PIK3C2G: variants seen among roughly 807,000 people sequenced by gnomAD.
The protein encoded by PIK3C2G is phosphatidylinositol 3-kinase C2 domain-containing subunit gamma.
Under a neutral mutation model 181.1 loss-of-function variants are expected in PIK3C2G, and 168 were observed. The ratio of observed to expected loss-of-function variants is 0.93; its 90% CI spans 0.82 to 1.05. PIK3C2G has a LOEUF of 1.05. PIK3C2G is among the 50% of genes least tolerant of loss of function. The probability of loss-of-function intolerance (pLI) is 0.00; values close to 1 mark genes in which losing one functional copy is unlikely to be tolerated. For missense variants in PIK3C2G, 1,869 were observed against 1,732.8 expected (o/e 1.08, Z -1.40); for synonymous variants, 573 against 592.2 (o/e 0.97, Z 0.47).
chr12:18,411,066 A>AT lies in PIK3C2G; in HGVS notation c.2316-9873dup, dbSNP rs373217225. On this transcript the variant is annotated intron_variant, in intron 16 of 32. Transcript: ENST00000538779. ...TGTCTCCTTCGGTCTGAGATTCATT[A>AT]TTATTCCTGTTATATCATGACTGGG... is the stretch of plus-strand genomic sequence containing the variant. Among the ~76,000 whole-genome samples the AT allele has an allele frequency of 7.0e-3, 1,062 of 152,232 alleles. 6 individuals are homozygous for AT. Among genetic ancestry groups the AT allele is most frequent in the African/African-American group, 0.019 (778 of 41,552 alleles).
intron 32 of PIK3C2G, among the ~76,000 whole-genome samples, chr12:18,643,555 C>A (rs186788334): frequency 6.6e-6 from 1 of 151,818 alleles, no homozygotes; most frequent in East Asian, 1.9e-4. Flanking sequence ...TAATTTTTTT[C>A]ATTCTATGCC....
chr12:18,496,375 G>A (rs2290044), intron 21 of PIK3C2G, among the ~76,000 whole-genome samples: 40,635 of 151,992 alleles, frequency 0.27, 5,651 homozygotes, highest in South Asian at 0.38. Context: ...AGCCTTCAGT[G>A]CAAAACCTAA....
chr12:18,516,633 A>G (rs1197737569), intron 24 of PIK3C2G, among the ~76,000 whole-genome samples: 5 of 152,056 alleles, frequency 3.3e-5, no homozygotes, highest in East Asian at 1.9e-4. Context: ...ATGGTGGCCC[A>G]TAATTCCCAT....
chr12:18,491,802 A>AAC (rs1269817441), intron 20 of PIK3C2G, among the ~76,000 whole-genome samples: 1 of 152,148 alleles, frequency 6.6e-6, no homozygotes, highest in African/African-American at 2.4e-5. Flanking sequence ...CAGTGAAAAA[A>AAC]AAAAAAATAG....
chr12:18,282,622 T>C lies in PIK3C2G; in HGVS notation c.541T>C (p.Ser181Pro), dbSNP rs1003604375. Reference protein sequence around the residue: ...FESSIPPTNSSFSSDFMPKEE... With the variant: ...FESSIPPTNSPFSSDFMPKEE... Reference sequence around the variant, plus strand: ...AAGTAGCATTCCTCCAACAAATTCATCCTTCTCAAGTGACTTCATGCCGAA... The same window carrying C: ...AAGTAGCATTCCTCCAACAAATTCACCCTTCTCAAGTGACTTCATGCCGAA... The change falls in exon 2 of 33, where the codon TCC becomes CCC. Residue 181 changes from serine (S) to proline (P), a missense_variant. By Grantham distance (74) the Ser-to-Pro change is moderately conservative (BLOSUM62 -1). Coordinates refer to ENST00000538779, the MANE Select transcript of PIK3C2G (RefSeq NM_001288772.2). The C allele has an allele frequency of 3.7e-6, 6 of 1,613,360 alleles. No individual in the cohort carries two copies. Among genetic ancestry groups the C allele is most frequent in the Non-Finnish European group, 5.1e-6 (6 of 1,179,380 alleles).
At chr12:18,554,882 C>A (rs1213562244) in intron 26 of PIK3C2G, among the ~76,000 whole-genome samples, 5 of 152,064 alleles carry the variant, frequency 3.3e-5, no homozygotes, top group African/African-American at 9.7e-5. Flanking sequence ...TAAAGCTGGA[C>A]ACTCAGTCAG....
chr12:18,405,111 G>A (rs1217162795), intron 16 of PIK3C2G, among the ~76,000 whole-genome samples: 1 of 152,142 alleles, frequency 6.6e-6, no homozygotes, highest in East Asian at 1.9e-4. Flanking sequence ...AGTTTTAGAT[G>A]AAAGAGCAAA....
At chr12:18,699,201 C>T in the PIK3C2G span, among the ~76,000 whole-genome samples, 1 of 152,134 alleles carries the variant, frequency 6.6e-6, no homozygotes, top group African/African-American at 2.4e-5. Context: ...GGTAGTCCAG[C>T]CTGGGCGCCA....
At chr12:18,695,918 C>T in the PIK3C2G span, among the ~76,000 whole-genome samples, 12 of 152,014 alleles carry the variant, frequency 7.9e-5, no homozygotes, top group South Asian at 2.1e-4. Context: ...ATTAACTCCT[C>T]GTGAATTTAA....
the PIK3C2G span, chr12:18,723,474 C>T: frequency 4.6e-5 from 74 of 1,612,842 alleles, 1 homozygote; most frequent in African/African-American, 8.4e-4. Flanking sequence ...CTTCTCTGTG[C>T]GTGATAATTC....
chr12:18,692,134 G>A, the PIK3C2G span, among the ~76,000 whole-genome samples: 2 of 152,170 alleles, frequency 1.3e-5, no homozygotes, highest in Non-Finnish European at 2.9e-5. Flanking sequence ...GGGGAGCAGA[G>A]GAGCGCTCAG....
intron 18 of PIK3C2G, among the ~76,000 whole-genome samples, chr12:18,435,467 G>T (rs1411455216): frequency 6.6e-6 from 1 of 151,984 alleles, no homozygotes; most frequent in Non-Finnish European, 1.5e-5. Flanking sequence ...GTCAGCTCCA[G>T]GTCATGGGTA....
At chr12:18,424,685 T>C (rs764705077) in intron 18 of PIK3C2G, 1 of 212,146 alleles carries the variant, frequency 4.7e-6, no homozygotes, top group Non-Finnish European at 1.0e-5. Context: ...AAAGATGCTA[T>C]TCCTGAGAAG....
chr12:18,725,735 C>T, the PIK3C2G span, among the ~76,000 whole-genome samples: 1 of 152,112 alleles, frequency 6.6e-6, no homozygotes, highest in Non-Finnish European at 1.5e-5. Context: ...AGTACAGGTA[C>T]CAAACCATCT....
chr12:18,245,423 G>T (rs1055834368), upstream of PIK3C2G, among the ~76,000 whole-genome samples: 2 of 151,768 alleles, frequency 1.3e-5, no homozygotes, highest in Admixed American at 1.3e-4. Context: ...GATTTCCTTT[G>T]AATATTTTTA....
chr12:18,562,170 T>TTG (rs1399598170), intron 26 of PIK3C2G, among the ~76,000 whole-genome samples: 1 of 152,228 alleles, frequency 6.6e-6, no homozygotes, highest in Non-Finnish European at 1.5e-5. Context: ...TCTCGCTCTG[T>TTG]CACCAGGCTG....
chr12:18,337,475 A>G (rs986376346), intron 8 of PIK3C2G, among the ~76,000 whole-genome samples: 14 of 152,096 alleles, frequency 9.2e-5, no homozygotes, highest in African/African-American at 2.9e-4. Flanking sequence ...AGTAATTTAT[A>G]AAGAAAAGAG....
rs552792572 is a variant in PIK3C2G, at chr12:18,645,284, GAA to G, written c.4309-2589_4309-2588del. Among the ~76,000 whole-genome samples the G allele has an allele frequency of 8.5e-3, 1,267 of 148,904 alleles. 21 individuals are homozygous for G. The highest frequency in any genetic ancestry group is 0.03 in the African/African-American group (1,193 of 39,296). On this transcript the variant is annotated intron_variant, in intron 32 of 32. Coordinates refer to ENST00000538779, the MANE Select transcript of PIK3C2G (RefSeq NM_001288772.2). ...GCCACTAATTATTCTTTGCTCAGTTGAAAAGAGTACTTACTATTTAACAACAT... is the reference window on the plus strand; with the variant it reads ...GCCACTAATTATTCTTTGCTCAGTTGAAGAGTACTTACTATTTAACAACAT...
At chr12:18,271,086 C>T (rs996028851) in intron 1 of PIK3C2G, among the ~76,000 whole-genome samples, 1 of 152,040 alleles carries the variant, frequency 6.6e-6, no homozygotes, top group Admixed American at 6.6e-5. Context: ...AGTCCCATGC[C>T]CCTCATACCA....
Sources: allele counts gnomAD v4.1 joint callset (sites outside exome capture counted in the v4.1 genomes callset), GRCh38; gene constraint gnomAD v4.1.1; transcripts MANE v1.5; gene names NCBI Gene and HGNC (gene_info 2026-07-23, HGNC 2026-07-21).